The following CHODL variants were observed in gnomAD, a reference collection of about 807,000 sequenced individuals.
CHODL encodes chondrolectin, also known as transmembrane protein MT75.
CHODL carries 29 observed loss-of-function variants against 34.5 expected under a neutral mutation model. That is an observed-to-expected ratio of 0.84 (90% confidence interval 0.63 to 1.15). The LOEUF is 1.15. Among genes scored for constraint, CHODL ranks in the 50% most tolerant of loss-of-function variants. The pLI is 0.00. For missense variants in CHODL, 332 were observed against 332.5 expected, an observed-to-expected ratio of 1.00 and a Z score of 0.01; for synonymous variants, 125 against 116.1, an observed-to-expected ratio of 1.08 and a Z score of -0.49.
chr21:18,197,647 C>T (rs1489369141), intron 2 of CHODL, among the ~76,000 whole-genome samples: 1 of 152,086 alleles, frequency 6.6e-6, no homozygotes, highest in Non-Finnish European at 1.5e-5. Context: ...TTTATTGTAA[C>T]TCTTCAAGAA....
intron 2 of CHODL, among the ~76,000 whole-genome samples, chr21:18,146,167 C>T (rs1293181018): frequency 6.7e-6 from 1 of 148,212 alleles, no homozygotes; most frequent in Non-Finnish European, 1.5e-5. Flanking sequence ...TTAGTAGAGA[C>T]GGGCTTTCAC....
chr21:18,061,778 G>C lies in CHODL; in HGVS notation c.-45+33807G>C, dbSNP rs543476734. Among the ~76,000 whole-genome samples the C allele has an allele frequency of 5.9e-5, 9 of 152,310 alleles. No homozygotes were observed. The East Asian group carries it at 1.7e-3, about 29-fold the overall frequency. Reference sequence around the variant, plus strand: ...TCAGCAAAGATATTGCCATCTGAGAGATCGAGATTTTGAATGTGATACTCA... The same window carrying C: ...TCAGCAAAGATATTGCCATCTGAGACATCGAGATTTTGAATGTGATACTCA... On this transcript the variant is annotated intron_variant, in intron 2 of 6. Coordinates refer to the CHODL transcript ENST00000400127.
intron 2 of CHODL, among the ~76,000 whole-genome samples, chr21:18,133,708 A>G (rs2072685615): frequency 6.6e-6 from 1 of 152,180 alleles, no homozygotes; most frequent in African/African-American, 2.4e-5. Flanking sequence ...CTCAGGGCTC[A>G]TCAACTCAAA....
At chr21:18,248,696 T>TATATGTATAATAC (rs2074181370) in intron 1 of CHODL, among the ~76,000 whole-genome samples, 7 of 115,990 alleles carry the variant, frequency 6.0e-5, no homozygotes, top group African/African-American at 2.5e-4. Context: ...ATTATATACA[T>TATATGTATAATAC]ATATATGTAT....
At chr21:18,068,191 T>C (rs1385911846) in intron 2 of CHODL, among the ~76,000 whole-genome samples, 1 of 151,904 alleles carries the variant, frequency 6.6e-6, no homozygotes, top group East Asian at 1.9e-4. Flanking sequence ...CTTTATTCAT[T>C]TTTCTTTTTT....
intron 1 of CHODL, among the ~76,000 whole-genome samples, chr21:17,981,862 C>T (rs776624203): frequency 1.3e-5 from 2 of 152,110 alleles, no homozygotes; most frequent in Non-Finnish European, 2.9e-5. Flanking sequence ...TAAATATTAG[C>T]ATGAGAACTA....
chr21:18,229,742 C>A (rs1319801258), intron 2 of CHODL, among the ~76,000 whole-genome samples: 2 of 152,018 alleles, frequency 1.3e-5, no homozygotes, highest in Non-Finnish European at 2.9e-5. Context: ...ATGTATTCAC[C>A]CCTACTCCAA....
chr21:18,009,972 A>G (rs2063998613), intron 1 of CHODL, among the ~76,000 whole-genome samples: 1 of 151,642 alleles, frequency 6.6e-6, no homozygotes, highest in African/African-American at 2.4e-5. Flanking sequence ...AGACACAGAG[A>G]TATGATTTAC....
intron 2 of CHODL, among the ~76,000 whole-genome samples, chr21:18,124,657 G>T (rs1002490536): frequency 1.3e-5 from 2 of 150,768 alleles, no homozygotes; most frequent in African/African-American, 4.9e-5. Flanking sequence ...CAGAAGTCTG[G>T]ATCATGTGAA....
intron 1 of CHODL, among the ~76,000 whole-genome samples, chr21:18,247,260 C>T (rs1363849279): frequency 6.6e-6 from 1 of 152,062 alleles, no homozygotes; most frequent in Non-Finnish European, 1.5e-5. Flanking sequence ...GGACCATTCA[C>T]CAAATCTTTA....
chr21:18,039,253 T>G (rs1472721574), intron 2 of CHODL, among the ~76,000 whole-genome samples: 1 of 151,760 alleles, frequency 6.6e-6, no homozygotes, highest in Non-Finnish European at 1.5e-5. Flanking sequence ...TTCATTAAGT[T>G]TGCTATTCTA....
intron 2 of CHODL, among the ~76,000 whole-genome samples, chr21:18,164,478 G>A (rs2073130830): frequency 6.6e-6 from 1 of 152,248 alleles, no homozygotes; most frequent in East Asian, 1.9e-4. Context: ...TTTTATTGGT[G>A]GTTAAAAGCA....
intron 2 of CHODL, among the ~76,000 whole-genome samples, chr21:18,173,264 A>G (rs9982558): frequency 0.9 from 136,278 of 152,058 alleles, 61,814 homozygotes; most frequent in Non-Finnish European, 0.98. Context: ...CAGGAGGAAT[A>G]TTTCATCACC....
chr21:18,010,844 CTTTG>C (rs1259884789), intron 1 of CHODL, among the ~76,000 whole-genome samples: 4 of 152,278 alleles, frequency 2.6e-5, no homozygotes, highest in East Asian at 1.9e-4. Context: ...TTTGACACAG[CTTTG>C]TTTGTTTAAG....
intron 2 of CHODL, among the ~76,000 whole-genome samples, chr21:18,176,034 T>C (rs1043883382): frequency 2.6e-5 from 4 of 152,214 alleles, no homozygotes; most frequent in African/African-American, 9.6e-5. Flanking sequence ...ATTAAATATA[T>C]AGATCTAAAA....
chr21:17,952,536 G>A (rs1005479507), intron 1 of CHODL, among the ~76,000 whole-genome samples: 2 of 151,954 alleles, frequency 1.3e-5, no homozygotes, highest in African/African-American at 4.8e-5. Context: ...TGAAACCCAC[G>A]CTAATATATT....
At chr21:17,928,352 C>T (rs947962921) in intron 1 of CHODL, among the ~76,000 whole-genome samples, 3 of 151,946 alleles carry the variant, frequency 2.0e-5, no homozygotes, top group East Asian at 3.8e-4. Flanking sequence ...TGCCATGTCC[C>T]GGGATTAAAA....
intron 1 of CHODL, among the ~76,000 whole-genome samples, chr21:18,001,690 G>T (rs2063907775): frequency 6.6e-6 from 1 of 150,758 alleles, no homozygotes; most frequent in African/African-American, 2.4e-5. Context: ...ATATTACATT[G>T]TTACATGTTG....
At chr21:18,163,334 C>A (rs905080580) in intron 2 of CHODL, among the ~76,000 whole-genome samples, 1 of 152,162 alleles carries the variant, frequency 6.6e-6, no homozygotes, top group Non-Finnish European at 1.5e-5. Flanking sequence ...ATGGGTGTCA[C>A]TTTCTAAAAA....
Sources: allele counts gnomAD v4.1 joint callset (sites outside exome capture counted in the v4.1 genomes callset), GRCh38; gene constraint gnomAD v4.1.1; transcripts MANE v1.5; gene names NCBI Gene and HGNC (gene_info 2026-07-23, HGNC 2026-07-21).